The following ABLIM1 variants were observed in gnomAD, a reference collection of about 807,000 sequenced individuals.
The protein encoded by ABLIM1 is actin-binding LIM protein 1.
Under a neutral mutation model 107.0 loss-of-function variants are expected in ABLIM1, and 40 were observed. The observed-to-expected ratio is 0.37, with a 90% CI of 0.29 to 0.49. The LOEUF is 0.49. ABLIM1 is among the 20% of genes least tolerant of loss of function. The pLI is 0.97. For missense variants in ABLIM1, 857 were observed against 1,008.5 expected (o/e 0.85, Z 2.04); for synonymous variants, 357 against 357.3 (o/e 1.00, Z 0.01).
upstream of ABLIM1, among the ~76,000 whole-genome samples, chr10:114,770,147 T>C (rs546193049): frequency 3.3e-5 from 5 of 152,358 alleles, no homozygotes; most frequent in African/African-American, 9.6e-5. Context: ...TGTTCTACTA[T>C]GAGGTTATTA....
chr10:114,597,312 C>G (rs985560513), intron 2 of ABLIM1, among the ~76,000 whole-genome samples: 7 of 152,110 alleles, frequency 4.6e-5, no homozygotes, highest in Non-Finnish European at 4.4e-5. Flanking sequence ...AGAGAAGGGT[C>G]TTTGGAGAGA....
intron 1 of ABLIM1, among the ~76,000 whole-genome samples, chr10:114,646,117 G>A (rs2079003720): frequency 1.3e-5 from 2 of 152,170 alleles, no homozygotes; most frequent in Non-Finnish European, 2.9e-5. Flanking sequence ...TATTGTATTT[G>A]TTGGGATTTG....
intron 16 of ABLIM1, 54 bp downstream of exon 16, chr10:114,445,258 T>C (rs1173818473): frequency 3.3e-6 from 5 of 1,498,494 alleles, no homozygotes; most frequent in African/African-American, 2.8e-5. Flanking sequence ...TCAAAAAATA[T>C]AGATCTTATG....
upstream of ABLIM1, among the ~76,000 whole-genome samples, chr10:114,772,307 C>A (rs771676697): frequency 6.6e-6 from 1 of 152,024 alleles, no homozygotes; most frequent in African/African-American, 2.4e-5. Flanking sequence ...TTAAATACTT[C>A]TTTTTTAGTA....
chr10:114,591,962 C>T (rs1045492671), intron 2 of ABLIM1, among the ~76,000 whole-genome samples: 1 of 151,968 alleles, frequency 6.6e-6, no homozygotes, highest in Admixed American at 6.6e-5. Context: ...GATATTCAAC[C>T]CATATATCAC....
chr10:114,449,604 G>A (rs1159917405), intron 14 of ABLIM1, among the ~76,000 whole-genome samples: 2 of 152,144 alleles, frequency 1.3e-5, no homozygotes, highest in African/African-American at 4.8e-5. Flanking sequence ...GTCTTGGCCA[G>A]GCATGAAACA....
chr10:114,518,006 A>G (rs2063158318), intron 6 of ABLIM1, among the ~76,000 whole-genome samples: 1 of 151,882 alleles, frequency 6.6e-6, no homozygotes, highest in African/African-American at 2.4e-5. Context: ...TTCTTAGTGT[A>G]TGGTAAAGGA....
intron 6 of ABLIM1, among the ~76,000 whole-genome samples, chr10:114,534,451 G>C (rs1209113213): frequency 7.0e-6 from 1 of 142,452 alleles, no homozygotes; most frequent in Non-Finnish European, 1.5e-5. Flanking sequence ...TATGCCCTGG[G>C]TCTCTGAAGA....
At chr10:114,485,493 A>AT in intron 8 of ABLIM1, 1 of 918,000 alleles carries the variant, frequency 1.1e-6, no homozygotes, top group Non-Finnish European at 1.6e-6. Flanking sequence ...AACTAACTTG[A>AT]GAGTAAACAT....
At chr10:114,711,707 G>A (rs938509486) in intron 1 of ABLIM1, among the ~76,000 whole-genome samples, 5 of 152,176 alleles carry the variant, frequency 3.3e-5, no homozygotes, top group African/African-American at 1.2e-4. Context: ...GGGTGGAGTC[G>A]ATGCTAGAAC....
chr10:114,635,547 C>T (rs1168977183), intron 1 of ABLIM1, among the ~76,000 whole-genome samples: 5 of 152,310 alleles, frequency 3.3e-5, no homozygotes, highest in East Asian at 3.9e-4. Context: ...TGTTTTGAGA[C>T]GGAGTCTCAC....
intron 2 of ABLIM1, among the ~76,000 whole-genome samples, chr10:114,578,471 AAT>A: frequency 6.7e-6 from 1 of 148,450 alleles, no homozygotes; most frequent in Middle Eastern, 3.5e-3. Flanking sequence ...CAATGGCATG[AAT>A]TCGGCTCACT....
intron 12 of ABLIM1, among the ~76,000 whole-genome samples, chr10:114,464,820 G>A (rs10510004): frequency 0.37 from 56,555 of 151,918 alleles, 10,594 homozygotes; most frequent in Middle Eastern, 0.42. Context: ...TCTCATCTAT[G>A]CGTCCAGAAG....
intron 1 of ABLIM1, among the ~76,000 whole-genome samples, chr10:114,704,296 CTCTCTCTATATATATA>C (rs1237389078): frequency 0.028 from 799 of 28,864 alleles, 8 homozygotes; most frequent in African/African-American, 0.091. Flanking sequence ...CTCTCTCTCT[CTCTCTCTATATATATA>C]TATATATATA....
intron 1 of ABLIM1, among the ~76,000 whole-genome samples, chr10:114,715,690 C>T (rs765289894): frequency 2.6e-5 from 4 of 152,030 alleles, no homozygotes; most frequent in Admixed American, 1.3e-4. Flanking sequence ...CAGCCCTCAC[C>T]GTGACTTTTC....
At chr10:114,548,881 C>T (rs188313430) in intron 4 of ABLIM1, among the ~76,000 whole-genome samples, 15 of 152,304 alleles carry the variant, frequency 9.8e-5, no homozygotes, top group African/African-American at 3.4e-4. Flanking sequence ...TGGACCAAGA[C>T]AGAGTCCACT....
chr10:114,592,477 G>A (rs1194052699), intron 2 of ABLIM1, among the ~76,000 whole-genome samples: 1 of 152,050 alleles, frequency 6.6e-6, no homozygotes, highest in Admixed American at 6.6e-5. Flanking sequence ...TGAGGTCTGT[G>A]GATTTCATTC....
At chr10:114,652,317 G>A (rs1194471199) in intron 1 of ABLIM1, among the ~76,000 whole-genome samples, 1 of 152,180 alleles carries the variant, frequency 6.6e-6, no homozygotes, top group Non-Finnish European at 1.5e-5. Context: ...GCGGATTAGT[G>A]AATGGGGTAA....
In ABLIM1 at chr10:114,436,203, T is replaced by C; in HGVS notation, c.*57A>G. The C allele has an allele frequency of 1.4e-6, 2 of 1,420,656 alleles. No individual in the cohort carries two copies. The highest frequency in any genetic ancestry group is 1.2e-5 in the South Asian group (1 of 83,982). The allele number at this position is 1,420,656 out of a possible 1,614,324, so 88.0% of individuals were successfully genotyped here. A position where few individuals can be genotyped will look rare whatever the true frequency, so the allele number is the denominator to read the frequency against. On this transcript the variant is annotated 3_prime_UTR_variant, in exon 23 of 23. Coordinates refer to ENST00000533213, the MANE Select transcript of ABLIM1 (RefSeq NM_002313.7). ...ATCAAGTTTGGGCCTCAATATGACATCCTATGGGGCACCGCCACTGTCAGT... is the reference window on the plus strand; with the variant it reads ...ATCAAGTTTGGGCCTCAATATGACACCCTATGGGGCACCGCCACTGTCAGT...
Sources: allele counts gnomAD v4.1 joint callset (sites outside exome capture counted in the v4.1 genomes callset), GRCh38; gene constraint gnomAD v4.1.1; transcripts MANE v1.5; gene names NCBI Gene and HGNC (gene_info 2026-07-23, HGNC 2026-07-21).